The following NRDC variants were observed in gnomAD, a reference collection of about 807,000 sequenced individuals.
The protein encoded by NRDC is nardilysin.
In NRDC, 54 loss-of-function variants were observed where a neutral mutation model predicts 147.1. The ratio of observed to expected loss-of-function variants is 0.37; its 90% CI spans 0.29 to 0.46. NRDC has a LOEUF of 0.46. NRDC is among the 20% of genes least tolerant of loss of function. The probability of loss-of-function intolerance (pLI) is 1.00; values close to 1 mark genes in which losing one functional copy is unlikely to be tolerated. For missense variants in NRDC, 1,082 were observed against 1,370.6 expected (o/e 0.79, Z 3.33); for synonymous variants, 440 against 482.1 (o/e 0.91, Z 1.14).
chr1:51,820,078 A>G (rs1169680240), intron 8 of NRDC, among the ~76,000 whole-genome samples: 1 of 152,178 alleles, frequency 6.6e-6, no homozygotes, highest in African/African-American at 2.4e-5. Flanking sequence ...CAATAACTCA[A>G]AAGTCTTTAC....
At chr1:51,789,909 C>A (rs1241859047) in intron 29 of NRDC, 1 of 486,838 alleles carries the variant, frequency 2.1e-6, no homozygotes, top group South Asian at 2.4e-5. Context: ...AAATACCATA[C>A]ACTGAGCCCA....
At chr1:51,848,459 T>C (rs1681767636) in intron 1 of NRDC, among the ~76,000 whole-genome samples, 1 of 152,168 alleles carries the variant, frequency 6.6e-6, no homozygotes, top group Non-Finnish European at 1.5e-5. Flanking sequence ...CTAGCCTGAA[T>C]GACAGAGCGA....
chr1:51,808,850 G>A (rs1338442287), intron 17 of NRDC, among the ~76,000 whole-genome samples: 1 of 152,166 alleles, frequency 6.6e-6, no homozygotes, highest in Non-Finnish European at 1.5e-5. Flanking sequence ...TACATGCAAT[G>A]AAACACTTTG....
chr1:51,801,852 A>T (rs1679220859), intron 20 of NRDC, among the ~76,000 whole-genome samples: 1 of 151,822 alleles, frequency 6.6e-6, no homozygotes, highest in Admixed American at 6.6e-5. Flanking sequence ...CAGTGGCGCG[A>T]TCTCGGCTCA....
At chr1:51,876,322 G>A (rs925418215) in intron 1 of NRDC, among the ~76,000 whole-genome samples, 2 of 152,104 alleles carry the variant, frequency 1.3e-5, no homozygotes, top group Non-Finnish European at 2.9e-5. Context: ...TCAAATTTTG[G>A]ATTTTTTTGG....
intron 3 of NRDC, among the ~76,000 whole-genome samples, chr1:51,834,721 G>T (rs570031444): frequency 6.6e-6 from 1 of 151,238 alleles, no homozygotes; most frequent in Non-Finnish European, 1.5e-5. Context: ...AAGATAAGAC[G>T]AACATATAAC....
intron 1 of NRDC, among the ~76,000 whole-genome samples, chr1:51,847,930 C>A (rs1051826874): frequency 2.0e-5 from 3 of 152,338 alleles, no homozygotes; most frequent in African/African-American, 7.2e-5. Context: ...TGTCACCTCT[C>A]ATTTTGTAAT....
chr1:51,853,216 C>CAA lies in NRDC; in HGVS notation c.342-12704_342-12703dup, dbSNP rs942070091. ...CTGGGTGACAGAGGGAGACTGTCTCCAAAAAAAAATATATATATATATATT... is the reference window on the plus strand; with the variant it reads ...CTGGGTGACAGAGGGAGACTGTCTCCAAAAAAAAAAATATATATATATATATT... On this transcript the variant is annotated intron_variant, in intron 1 of 30. Coordinates refer to ENST00000352171, the MANE Select transcript of NRDC (RefSeq NM_001101662.2). Among the ~76,000 whole-genome samples, 277 of 143,696 alleles carry CAA rather than the reference C, an allele frequency of 1.9e-3. 1 individual carries two copies. The highest frequency in any genetic ancestry group is 6.6e-3 in the African/African-American group (257 of 39,136). 94.3% of individuals were successfully genotyped at this position (143,696 alleles called of 152,430 possible). A position where few individuals can be genotyped will look rare whatever the true frequency, so the allele number is the denominator to read the frequency against.
rs564460037 is a variant in NRDC at position 51,794,725 on chromosome 1, T to G, written c.2636+98A>C. On this transcript the variant is annotated intron_variant, in intron 23 of 30. Coordinates refer to ENST00000352171, the MANE Select transcript of NRDC (RefSeq NM_001101662.2). ...TCAAAAAAATCTACTACAAGTAGTA[T>G]TTCAATTGGGTGTTTAGTAACAATT... The G allele has an allele frequency of 6.9e-6, 11 of 1,585,262 alleles. No individual in the cohort carries two copies. In the African/African-American group the frequency reaches 8.1e-5, roughly 12 times the overall value.
chr1:51,820,995 C>T (rs1204987009), intron 8 of NRDC, among the ~76,000 whole-genome samples: 2 of 151,984 alleles, frequency 1.3e-5, no homozygotes, highest in East Asian at 3.8e-4. Context: ...CATACAATTT[C>T]TTATAAAAGA....
intron 1 of NRDC, among the ~76,000 whole-genome samples, chr1:51,849,199 A>C (rs1480518584): frequency 6.6e-6 from 1 of 152,022 alleles, no homozygotes; most frequent in Admixed American, 6.6e-5. Context: ...ATCCTGGCTA[A>C]CACAGTGAAA....
chr1:51,809,256 T>C (rs1308246363), intron 17 of NRDC, 59 bp downstream of exon 17: 1 of 1,012,126 alleles, frequency 9.9e-7, no homozygotes, highest in African/African-American at 1.6e-5. Context: ...TATAATGTGC[T>C]ATACAGGTGC....
chr1:51,852,317 C>A (rs1399066927), intron 1 of NRDC, among the ~76,000 whole-genome samples: 1 of 151,742 alleles, frequency 6.6e-6, no homozygotes, highest in African/African-American at 2.4e-5. Context: ...CCAGAAATAT[C>A]AACTGTTTGT....
chr1:51,800,403 G>A (rs552687810), intron 21 of NRDC, among the ~76,000 whole-genome samples, 153 bp downstream of exon 21: 82 of 152,230 alleles, frequency 5.4e-4, no homozygotes, highest in African/African-American at 1.8e-3. Flanking sequence ...TAGAAATACC[G>A]TAACGCTATG....
At position 51,792,426 on chromosome 1, in the gene NRDC, T is replaced by C. The variant is rs1415288198; in HGVS notation, c.2776-2A>G. On this transcript the variant is annotated splice_acceptor_variant, in intron 24 of 30. Transcript: ENST00000352171. LOFTEE classifies it high-confidence loss of function. ...TTCTCTTAGACTCCTGGTACCTGAC[T>C]GAAAAGAGAAGGTTGTCAGGCCAAC... 1 of 1,613,972 alleles carries C rather than the reference T, an allele frequency of 6.2e-7. No individual in the cohort carries two copies. The highest frequency in any genetic ancestry group is 8.5e-7 in the Non-Finnish European group (1 of 1,179,846).
chr1:51,878,170 G>GTGC, intron 1 of NRDC, 105 bp downstream of exon 1: 1 of 1,447,692 alleles, frequency 6.9e-7, no homozygotes, highest in East Asian at 2.3e-5. Flanking sequence ...GGTGGAAAGT[G>GTGC]TGCCCTGTTG....
intron 1 of NRDC, among the ~76,000 whole-genome samples, chr1:51,865,126 G>A (rs1339636487): frequency 2.6e-5 from 4 of 151,360 alleles, no homozygotes; most frequent in South Asian, 2.1e-4. Context: ...TCATATAATC[G>A]ACAAAAAATT....
chr1:51,828,979 A>G (rs1389707547), intron 4 of NRDC, among the ~76,000 whole-genome samples: 1 of 152,074 alleles, frequency 6.6e-6, no homozygotes, highest in Non-Finnish European at 1.5e-5. Flanking sequence ...GTAACTTTTA[A>G]CTTAACTACC....
rs1680400718 is a variant in NRDC, at chr1:51,825,401, C to T, written c.941-19G>A. 4 of 1,557,724 alleles carry T rather than the reference C, an allele frequency of 2.6e-6. No individual in the cohort carries two copies. The highest frequency in any genetic ancestry group is 3.5e-6 in the Non-Finnish European group (4 of 1,148,882). On this transcript the variant is annotated intron_variant, in intron 5 of 30. Transcript: ENST00000352171. ...TGATATTCTGTCAATTTTAAATAAA[C>T]ACATAATAAAACAAAATTCAGTATC...
Sources: gnomAD v4.1 joint callset for allele counts (sites outside exome capture counted in the v4.1 genomes callset) on GRCh38, gnomAD v4.1.1 for gene constraint, MANE v1.5 for transcripts, NCBI Gene and HGNC (gene_info 2026-07-23, HGNC 2026-07-21) for gene names.